RBFOX1: variants seen among roughly 807,000 people sequenced by gnomAD.
The protein encoded by RBFOX1 is RNA binding protein fox-1 homolog 1.
Under a neutral mutation model 57.7 loss-of-function variants are expected in RBFOX1, and 8 were observed. The observed-to-expected ratio is 0.14, with a 90% confidence interval of 0.08 to 0.25. The LOEUF is 0.25. Among genes scored for constraint, RBFOX1 ranks in the 10% least tolerant of loss-of-function variants. The pLI is 1.00. For synonymous variants in RBFOX1, 326 were observed against 222.4 expected (o/e 1.47, Z -4.15); for missense variants, 611 against 548.5 (o/e 1.11, Z -1.14).
intron 2 of RBFOX1, among the ~76,000 whole-genome samples, chr16:6,454,815 C>G (rs552065434): frequency 1.5e-4 from 22 of 149,572 alleles, no homozygotes; most frequent in Admixed American, 1.1e-3. Flanking sequence ...TTTCCATGTT[C>G]CGTCCCCTAT....
chr16:6,540,178 A>T (rs1186822663), intron 2 of RBFOX1, among the ~76,000 whole-genome samples: 3 of 151,998 alleles, frequency 2.0e-5, no homozygotes, highest in African/African-American at 7.3e-5. Flanking sequence ...TGTGAATCTG[A>T]GGTCTATCTT....
intron 10 of RBFOX1, among the ~76,000 whole-genome samples, chr16:7,618,107 G>T (rs1424503485): frequency 6.6e-6 from 1 of 152,152 alleles, no homozygotes; most frequent in Non-Finnish European, 1.5e-5. Flanking sequence ...ATATTGATCT[G>T]TTGAGATTAG....
intron 4 of RBFOX1, among the ~76,000 whole-genome samples, chr16:7,498,565 C>G (rs184506093): frequency 6.6e-6 from 1 of 152,174 alleles, no homozygotes; most frequent in African/African-American, 2.4e-5. Context: ...ATTTTATTTA[C>G]CCAGTATATC....
At chr16:5,730,235 G>A (rs1034580053) in intron 3 of RBFOX1, among the ~76,000 whole-genome samples, 2 of 152,156 alleles carry the variant, frequency 1.3e-5, no homozygotes, top group African/African-American at 4.8e-5. Context: ...CTGACCACAG[G>A]TTTATTCTCT....
At chr16:6,977,790 C>G (rs1035455051) in intron 3 of RBFOX1, among the ~76,000 whole-genome samples, 12 of 152,118 alleles carry the variant, frequency 7.9e-5, no homozygotes, top group African/African-American at 2.9e-4. Flanking sequence ...CATCTTATCC[C>G]GTAGTCAGTG....
intron 4 of RBFOX1, among the ~76,000 whole-genome samples, chr16:7,445,992 T>A (rs2098804716): frequency 6.6e-6 from 1 of 152,168 alleles, no homozygotes; most frequent in African/African-American, 2.4e-5. Flanking sequence ...TCGGGGATCT[T>A]CTCTTTCTAA....
At chr16:6,008,058 A>G (rs969984469) in intron 4 of RBFOX1, among the ~76,000 whole-genome samples, 19 of 152,140 alleles carry the variant, frequency 1.2e-4, no homozygotes, top group Non-Finnish European at 1.9e-4. Context: ...ACAAAACATT[A>G]GCCAGGCATG....
chr16:7,257,503 T>C (rs1440252087), intron 4 of RBFOX1, among the ~76,000 whole-genome samples: 2 of 152,190 alleles, frequency 1.3e-5, no homozygotes, highest in Non-Finnish European at 1.5e-5. Flanking sequence ...GGGTTTCACC[T>C]GCTTAATGAG....
At chr16:7,048,495 A>AATTG (rs1568532651) in intron 3 of RBFOX1, among the ~76,000 whole-genome samples, 5,950 of 150,502 alleles carry the variant, frequency 0.04, 395 homozygotes, top group African/African-American at 0.14. Flanking sequence ...TCCTGACCTC[A>AATTG]TGATCCACCC....
intron 4 of RBFOX1, among the ~76,000 whole-genome samples, chr16:5,893,033 G>C (rs139786147): frequency 5.2e-4 from 79 of 152,312 alleles, no homozygotes; most frequent in African/African-American, 1.8e-3. Context: ...GGAACCTGAA[G>C]CTTTCAGTGA....
chr16:5,778,310 A>G (rs1238094650), intron 3 of RBFOX1, among the ~76,000 whole-genome samples: 2 of 152,098 alleles, frequency 1.3e-5, no homozygotes, highest in East Asian at 1.9e-4. Context: ...GTGAGTTTCC[A>G]TGATCTCATC....
chr16:6,608,642 T>A (rs999018433), intron 2 of RBFOX1, among the ~76,000 whole-genome samples: 3 of 152,126 alleles, frequency 2.0e-5, no homozygotes, highest in African/African-American at 7.2e-5. Flanking sequence ...TAACTAGTCA[T>A]GGCGGCACAT....
chr16:5,665,530 G>T (rs931807282), intron 3 of RBFOX1, among the ~76,000 whole-genome samples: 2 of 152,162 alleles, frequency 1.3e-5, no homozygotes, highest in Non-Finnish European at 2.9e-5. Flanking sequence ...AAACGGGATT[G>T]TATGTTTGCT....
rs554546939 is a variant in RBFOX1, at chr16:6,625,120, G to A, written c.-63-29483G>A. Among the ~76,000 whole-genome samples the A allele has an allele frequency of 4.6e-5, 6 of 130,714 alleles. No individual in the cohort carries two copies. In the East Asian group the frequency reaches 7.0e-4, roughly 15 times the overall value. 85.8% of individuals were successfully genotyped at this position (130,714 alleles called of 152,430 possible). On this transcript the variant is annotated intron_variant, in intron 2 of 15. Transcript: ENST00000550418. ...GCAAAAGTTGCAGTGAGTCAAGATC[G>A]TGCCATTGCACTCCATCCTCGGCCA...
At chr16:6,245,948 A>T (rs1261679785) in intron 1 of RBFOX1, among the ~76,000 whole-genome samples, 1 of 152,290 alleles carries the variant, frequency 6.6e-6, no homozygotes, top group Non-Finnish European at 1.5e-5. Flanking sequence ...AAACTATTTC[A>T]GTCAAAATAT....
intron 1 of RBFOX1, among the ~76,000 whole-genome samples, chr16:5,300,899 A>T (rs1244489515): frequency 1.3e-5 from 2 of 152,064 alleles, no homozygotes; most frequent in African/African-American, 2.4e-5. Context: ...TGGAATTAGT[A>T]ATTTGTGTGT....
chr16:7,425,584 A>G (rs2098602610), intron 4 of RBFOX1, among the ~76,000 whole-genome samples: 1 of 152,332 alleles, frequency 6.6e-6, no homozygotes, highest in East Asian at 1.9e-4. Flanking sequence ...TTCTGAAATT[A>G]CATAGTTTCC....
intron 2 of RBFOX1, among the ~76,000 whole-genome samples, chr16:6,360,247 T>A (rs1485018917): frequency 6.6e-6 from 1 of 152,154 alleles, no homozygotes; most frequent in Non-Finnish European, 1.5e-5. Flanking sequence ...TATAGATTTT[T>A]TTTTTTCCAA....
intron 2 of RBFOX1, among the ~76,000 whole-genome samples, chr16:6,502,266 G>T (rs811919): frequency 0.41 from 62,054 of 151,850 alleles, 12,985 homozygotes; most frequent in East Asian, 0.59. Flanking sequence ...AGTGGCCCCA[G>T]AGAAAGTTGA....
Sources: gnomAD v4.1 joint callset for allele counts (sites outside exome capture counted in the v4.1 genomes callset) on GRCh38, gnomAD v4.1.1 for gene constraint, MANE v1.5 for transcripts, NCBI Gene and HGNC (gene_info 2026-07-23, HGNC 2026-07-21) for gene names.